The following TCEA1 variants were observed in gnomAD, a reference collection of about 807,000 sequenced individuals.
The protein encoded by TCEA1 is transcription elongation factor A1.
Under a neutral mutation model 43.8 loss-of-function variants are expected in TCEA1, and 21 were observed. That is an observed-to-expected ratio of 0.48 (90% confidence interval 0.34 to 0.69). TCEA1 has a LOEUF of 0.69. TCEA1 is among the 30% of genes least tolerant of loss of function. TCEA1 has a pLI of 0.01. For synonymous variants in TCEA1, 104 were observed against 117.5 expected (o/e 0.88, Z 0.75); for missense variants, 250 against 365.1 (o/e 0.68, Z 2.57).
At chr8:53,999,717 T>C in intron 3 of TCEA1, 1 of 443,580 alleles carries the variant, frequency 2.3e-6, no homozygotes, top group Non-Finnish European at 4.0e-6. Context: ...TGAAAGAGTT[T>C]ATCCAGTTGT....
intron 3 of TCEA1, among the ~76,000 whole-genome samples, chr8:53,994,694 C>T (rs931880666): frequency 2.0e-5 from 3 of 151,512 alleles, no homozygotes; most frequent in Non-Finnish European, 4.4e-5. Context: ...TGGTAAAACC[C>T]CGTCTCTACT....
chr8:54,012,166 A>T (rs528983080), intron 1 of TCEA1, among the ~76,000 whole-genome samples: 1 of 152,380 alleles, frequency 6.6e-6, no homozygotes, highest in East Asian at 1.9e-4. Context: ...AAAGATTTCT[A>T]GATTTCTCAT....
intron 2 of TCEA1, 56 bp downstream of exon 2, chr8:54,010,374 T>C: frequency 1.5e-6 from 2 of 1,311,650 alleles, no homozygotes; most frequent in Non-Finnish European, 1.1e-6. Context: ...TGAAGATGTT[T>C]TGGTATTTTA....
intron 3 of TCEA1, among the ~76,000 whole-genome samples, chr8:53,995,089 T>C (rs368687208): frequency 3.4e-4 from 52 of 152,010 alleles, no homozygotes; most frequent in African/African-American, 1.2e-3. Context: ...TCACTTGAGG[T>C]CAGGAGTTCA....
Position 53,984,435 on chromosome 8 carries a change from T to C in TCEA1, c.606A>G (p.Lys202=), listed in dbSNP as rs1441313129. ...RSRISNLKDA[K]NPNLRKNVLC... ...GGACATTTTTCCTTAAATTTGGATTTTTTGCATCTTTAAGATTTGATATCC... is the reference window on the plus strand; with the variant it reads ...GGACATTTTTCCTTAAATTTGGATTCTTTGCATCTTTAAGATTTGATATCC... Residue 202 remains lysine, a synonymous_variant, in exon 7 of 10, where the codon AAA becomes AAG. Coordinates refer to ENST00000521604, the MANE Select transcript of TCEA1 (RefSeq NM_006756.4). The C allele has an allele frequency of 6.2e-7, 1 of 1,603,610 alleles. No individual in the cohort carries two copies. The highest frequency in any genetic ancestry group is 8.5e-7 in the Non-Finnish European group (1 of 1,175,858).
intron 2 of TCEA1, among the ~76,000 whole-genome samples, chr8:54,008,127 C>T (rs965692257): frequency 7.3e-6 from 1 of 136,974 alleles, no homozygotes; most frequent in Non-Finnish European, 1.5e-5. Context: ...GGTCGCACGT[C>T]GTACCACTGC....
At position 53,972,968 on chromosome 8, in the gene TCEA1, G is replaced by A; in HGVS notation, c.826-2505C>T. On this transcript the variant is annotated intron_variant, in intron 8 of 9. Transcript: ENST00000521604. The stretch of plus-strand genomic sequence containing the variant: ...ATATATATCATATCTGCTGCAATGG[G>A]AACATCAATGGTGGAAATCACTTGG... The A allele has an allele frequency of 7.5e-6, 5 of 664,276 alleles. No individual in the cohort carries two copies. The East Asian group carries it at 1.4e-4, about 19-fold the overall frequency. 41.1% of individuals were successfully genotyped at this position (664,276 alleles called of 1,614,324 possible).
chr8:54,000,203 G>C lies in TCEA1; in HGVS notation c.127-153C>G, dbSNP rs577609166. The stretch of plus-strand genomic sequence containing the variant: ...TCCTTATAATAGCAAATTATATTAA[G>C]ATACATACATCTTCAGATCAAACAC... On this transcript the variant is annotated intron_variant, in intron 2 of 9. Coordinates refer to ENST00000521604, the MANE Select transcript of TCEA1 (RefSeq NM_006756.4). Among the ~76,000 whole-genome samples, 26 of 152,148 alleles carry C rather than the reference G, an allele frequency of 1.7e-4. No homozygotes were observed. The South Asian group carries it at 5.0e-3, about 29-fold the overall frequency.
In TCEA1 at chr8:54,020,889, A is replaced by G. The variant is rs576017914; in HGVS notation, c.63+1174T>C. 1.4e-4 allele frequency among the ~76,000 whole-genome samples: 22 copies of G among 152,316 alleles called. 1 individual carries two copies. In the South Asian group the frequency reaches 4.6e-3, roughly 32 times the overall value. ...AACAAATTTAGGTGAGGACAATTAT[A>G]TAAGTTTACCTGAGAGGCCAGGCGC... On this transcript the variant is annotated intron_variant, in intron 1 of 9. Coordinates refer to ENST00000521604, the MANE Select transcript of TCEA1 (RefSeq NM_006756.4).
At chr8:53,968,753 CG>C (rs933109790) in intron 9 of TCEA1, among the ~76,000 whole-genome samples, 3 of 151,938 alleles carry the variant, frequency 2.0e-5, no homozygotes, top group African/African-American at 7.3e-5. Flanking sequence ...CTCTTGAACC[CG>C]GGGCCACAGA....
intron 3 of TCEA1, 76 bp from the exon 4 acceptor site, chr8:53,993,831 T>C (rs2129306192): frequency 1.8e-6 from 2 of 1,137,262 alleles, no homozygotes; most frequent in East Asian, 2.4e-5. Context: ...AACAGGCTAT[T>C]TGCACAACAT....
chr8:54,003,736 G>C lies in TCEA1; in HGVS notation c.127-3686C>G, dbSNP rs1171464949. 2.6e-5 allele frequency among the ~76,000 whole-genome samples: 4 copies of C among 151,936 alleles called. No homozygotes were observed. In the East Asian group the frequency reaches 7.7e-4, roughly 29 times the overall value. On this transcript the variant is annotated intron_variant, in intron 2 of 9. Transcript: ENST00000521604. Reference sequence around the variant, plus strand: ...TAAAGCTTCATGACCTTGGATTAGGGAATGGTTTCTTGGATATGACACCTA... The same window carrying C: ...TAAAGCTTCATGACCTTGGATTAGGCAATGGTTTCTTGGATATGACACCTA...
intron 2 of TCEA1, 44 bp from the exon 3 acceptor site, chr8:54,000,094 T>A: frequency 8.8e-7 from 1 of 1,134,834 alleles, no homozygotes; most frequent in Non-Finnish European, 1.2e-6. Context: ...AATTTTATTT[T>A]AAACAAATTA....
intron 9 of TCEA1, 69 bp from the exon 10 acceptor site, chr8:53,968,181 A>G (rs1023792533): frequency 2.5e-6 from 3 of 1,177,592 alleles, no homozygotes; most frequent in East Asian, 2.6e-5. Context: ...CATTTAATAC[A>G]GCATACACCT....
chr8:54,008,722 C>T (rs1313060191), intron 2 of TCEA1, among the ~76,000 whole-genome samples: 3 of 150,850 alleles, frequency 2.0e-5, no homozygotes, highest in South Asian at 4.2e-4. Flanking sequence ...ACAAGACATA[C>T]GAGTGGTCAA....
chr8:53,989,205 C>T (rs1018980274), intron 4 of TCEA1, among the ~76,000 whole-genome samples: 16 of 152,204 alleles, frequency 1.1e-4, no homozygotes, highest in African/African-American at 1.4e-4. Context: ...AACATCACCT[C>T]GATATGAACA....
intron 7 of TCEA1, among the ~76,000 whole-genome samples, chr8:53,980,148 T>TA (rs1457868837): frequency 1.3e-5 from 2 of 152,188 alleles, no homozygotes; most frequent in African/African-American, 2.4e-5. Flanking sequence ...AATGTAAACT[T>TA]ACAACGAGTA....
intron 4 of TCEA1, among the ~76,000 whole-genome samples, chr8:53,989,727 C>A (rs1803811193): frequency 6.6e-6 from 1 of 152,098 alleles, no homozygotes. Flanking sequence ...AATGAGCAAA[C>A]TAATGCTTAA....
At chr8:53,995,636 T>C (rs1475874101) in intron 3 of TCEA1, among the ~76,000 whole-genome samples, 2 of 152,344 alleles carry the variant, frequency 1.3e-5, no homozygotes, top group Non-Finnish European at 1.5e-5. Flanking sequence ...GAAGAAACTA[T>C]ATCCAACTGG....
Sources: gnomAD v4.1 joint callset for allele counts (sites outside exome capture counted in the v4.1 genomes callset) on GRCh38, gnomAD v4.1.1 for gene constraint, MANE v1.5 for transcripts, NCBI Gene and HGNC (gene_info 2026-07-23, HGNC 2026-07-21) for gene names.